The following FAM135A variants were observed in gnomAD, a reference collection of about 807,000 sequenced individuals.
FAM135A encodes the protein family with sequence similarity 135 member A, also known as protein FAM135A.
Under a neutral mutation model 146.8 loss-of-function variants are expected in FAM135A, and 79 were observed. The ratio of observed to expected loss-of-function variants is 0.54; its 90% CI spans 0.45 to 0.65. The LOEUF (loss-of-function observed/expected upper bound fraction) is 0.65. Ranked by LOEUF, FAM135A falls within the 30% of genes least tolerant of loss-of-function variation. FAM135A has a pLI of 0.00. For synonymous variants in FAM135A, 562 were observed against 603.6 expected (o/e 0.93, Z 1.01); for missense variants, 1,623 against 1,758.2 (o/e 0.92, Z 1.38).
At chr6:70,444,557 C>T (rs1775282835) in intron 4 of FAM135A, among the ~76,000 whole-genome samples, 1 of 151,920 alleles carries the variant, frequency 6.6e-6, no homozygotes, top group South Asian at 2.1e-4. Flanking sequence ...AGAGTGAGAC[C>T]TGTCTCAATA....
chr6:70,522,619 T>C lies in FAM135A; in HGVS notation c.1103+33T>C, dbSNP rs1487172668. The C allele has an allele frequency of 3.3e-6, 5 of 1,512,060 alleles. No homozygotes were observed. In the South Asian group the frequency reaches 3.4e-5, roughly 10 times the overall value. 93.7% of individuals were successfully genotyped at this position (1,512,060 alleles called of 1,614,324 possible). A position where few individuals can be genotyped will look rare whatever the true frequency, so the allele number is the denominator to read the frequency against. ...GTATAAATTCAAAATTAAAATGATA[T>C]TACTTCCTTTTACATAAGATACCTG... On this transcript the variant is annotated intron_variant, in intron 13 of 21. Transcript: ENST00000418814.
At chr6:70,432,950 A>G (rs1772015499) in intron 4 of FAM135A, among the ~76,000 whole-genome samples, 1 of 152,132 alleles carries the variant, frequency 6.6e-6, no homozygotes, top group Non-Finnish European at 1.5e-5. Context: ...AAAGGACAAT[A>G]TAAAGCATCT....
intron 20 of FAM135A, 64 bp downstream of exon 20, chr6:70,538,465 G>A: frequency 3.3e-6 from 3 of 908,630 alleles, no homozygotes; most frequent in Admixed American, 3.4e-5. Context: ...TAAACATTTA[G>A]CAAATAAATT....
At position 70,524,166 on chromosome 6, in the gene FAM135A, T is replaced by C. The variant is rs201292551; in HGVS notation, c.1258+45T>C. On this transcript the variant is annotated intron_variant, in intron 14 of 21. Transcript: ENST00000418814. ...AATATACAAGCTATGTGTATAGTTT[T>C]CAGTATATTCTTCCTAATATACATA... 6 of 1,535,848 alleles carry C rather than the reference T, an allele frequency of 3.9e-6. No homozygotes were observed. The East Asian group carries it at 1.1e-4, about 29-fold the overall frequency.
At position 70,441,025 on chromosome 6, in the gene FAM135A, A is replaced by G. The variant is rs544036731; in HGVS notation, c.78-11467A>G. The stretch of plus-strand genomic sequence containing the variant: ...CAGAATATTTTGTTGTTGCCGTAGC[A>G]TATTACACATATGATCACTTTTTAT... On this transcript the variant is annotated intron_variant, in intron 4 of 21. Transcript: ENST00000418814. Among the ~76,000 whole-genome samples, 8 of 152,308 alleles carry G rather than the reference A, an allele frequency of 5.3e-5. No homozygotes were observed. In the East Asian group the frequency reaches 1.5e-3, roughly 29 times the overall value.
intron 12 of FAM135A, among the ~76,000 whole-genome samples, chr6:70,511,907 C>G (rs139478282): frequency 6.6e-6 from 1 of 151,750 alleles, no homozygotes; most frequent in Non-Finnish European, 1.5e-5. Context: ...CTAAGCCTAT[C>G]TAAACATAGA....
intron 16 of FAM135A, among the ~76,000 whole-genome samples, chr6:70,530,114 C>T (rs1413072880): frequency 6.6e-6 from 1 of 151,948 alleles, no homozygotes; most frequent in Non-Finnish European, 1.5e-5. Context: ...CAAACTCTAG[C>T]ACTTGGAATT....
intron 11 of FAM135A, among the ~76,000 whole-genome samples, chr6:70,495,594 G>A (rs530654927): frequency 1.1e-4 from 16 of 151,814 alleles, no homozygotes; most frequent in African/African-American, 3.4e-4. Context: ...CAGCCTTTGG[G>A]GATACACACA....
chr6:70,556,486 G>A (rs986093422), intron 20 of FAM135A, among the ~76,000 whole-genome samples: 4 of 152,162 alleles, frequency 2.6e-5, no homozygotes, highest in African/African-American at 7.2e-5. Flanking sequence ...TTCTGTTCCC[G>A]CCTATCTCCA....
At chr6:70,536,459 A>C (rs1287981152) in intron 19 of FAM135A, 48 bp downstream of exon 19, 3 of 1,394,676 alleles carry the variant, frequency 2.2e-6, no homozygotes, top group Admixed American at 2.6e-5. Flanking sequence ...TAGGGAGAAA[A>C]ATATGAACTT....
intron 13 of FAM135A, 47 bp downstream of exon 13, chr6:70,522,633 A>G (rs570941485): frequency 1.3e-5 from 18 of 1,417,186 alleles, no homozygotes; most frequent in African/African-American, 8.5e-5. Context: ...TTCCTTTTAC[A>G]TAAGATACCT....
chr6:70,533,838 A>C lies in FAM135A; in HGVS notation c.3949A>C (p.Thr1317Pro), dbSNP rs758259179. 2 of 1,506,780 alleles carry C rather than the reference A, an allele frequency of 1.3e-6. No homozygotes were observed. The highest frequency in any genetic ancestry group is 2.8e-5 in the African/African-American group (2 of 70,248). The allele number at this position is 1,506,780 out of a possible 1,614,324, so 93.3% of individuals were successfully genotyped here. A position where few individuals can be genotyped will look rare whatever the true frequency, so the allele number is the denominator to read the frequency against. ...ACAGTATATTCAGATATATAGTCTA[A>C]CAGTCTCAAAAATAAGGTATCTTCT... ...IIQYIQIYSL[T>P]VSKISFIGHS... Residue 1317 changes from threonine to proline, a missense_variant, in exon 18 of 22, where the codon ACA becomes CCA. Transcript: ENST00000418814.
intron 2 of FAM135A, among the ~76,000 whole-genome samples, chr6:70,416,003 T>C (rs1318507204): frequency 6.6e-6 from 1 of 151,306 alleles, no homozygotes; most frequent in Non-Finnish European, 1.5e-5. Flanking sequence ...AGAGTATAAT[T>C]GACTGCTTAA....
At chr6:70,443,120 A>G (rs891228253) in intron 4 of FAM135A, among the ~76,000 whole-genome samples, 1 of 152,150 alleles carries the variant, frequency 6.6e-6, no homozygotes, top group African/African-American at 2.4e-5. Context: ...TTGCCAAATT[A>G]CATTCCATAT....
At chr6:70,464,666 T>C (rs1562467986) in intron 5 of FAM135A, among the ~76,000 whole-genome samples, 1 of 135,776 alleles carries the variant, frequency 7.4e-6, no homozygotes, top group Non-Finnish European at 1.6e-5. Flanking sequence ...TTCTTTTTTT[T>C]CTTTTTTTTT....
chr6:70,439,311 G>A (rs568168322), intron 4 of FAM135A, among the ~76,000 whole-genome samples: 2 of 152,242 alleles, frequency 1.3e-5, no homozygotes, highest in African/African-American at 4.8e-5. Context: ...GAGTGTAAGG[G>A]GAGACTATTG....
intron 1 of FAM135A, among the ~76,000 whole-genome samples, chr6:70,414,574 A>G (rs1283246363): frequency 8.4e-6 from 1 of 118,762 alleles, no homozygotes; most frequent in Non-Finnish European, 1.7e-5. Context: ...TTTACTTTTT[A>G]TTAAATCTCT....
intron 2 of FAM135A, among the ~76,000 whole-genome samples, chr6:70,418,764 A>G (rs919523300): frequency 6.6e-6 from 1 of 152,262 alleles, no homozygotes; most frequent in African/African-American, 2.4e-5. Flanking sequence ...AAATACGACT[A>G]TAACTCAGAT....
intron 4 of FAM135A, among the ~76,000 whole-genome samples, chr6:70,447,181 TTA>T (rs1427551238): frequency 6.6e-6 from 1 of 152,246 alleles, no homozygotes; most frequent in Admixed American, 6.5e-5. Flanking sequence ...CCCTGAATAG[TTA>T]TTTCACAGGT....
Sources: allele counts gnomAD v4.1 joint callset (sites outside exome capture counted in the v4.1 genomes callset), GRCh38; gene constraint gnomAD v4.1.1; transcripts MANE v1.5; gene names NCBI Gene and HGNC (gene_info 2026-07-23, HGNC 2026-07-21).